NELL1: variants seen among roughly 807,000 people sequenced by gnomAD.
NELL1 encodes the protein neural EGFL like 1, also known as protein kinase C-binding protein NELL1.
A neutral mutation model predicts 107.4 loss-of-function variants in NELL1; 76 were observed. That is an observed-to-expected ratio of 0.71 (90% CI 0.59 to 0.86). The LOEUF is 0.86. NELL1 is among the 40% of genes least tolerant of loss of function. The pLI, the probability that NELL1 is intolerant of heterozygous loss-of-function variation, is 0.00. For synonymous variants in NELL1, 353 were observed against 341.2 expected, an observed-to-expected ratio of 1.03 and a Z score of -0.38; for missense variants, 1,024 against 1,005.5, an observed-to-expected ratio of 1.02 and a Z score of -0.25.
At chr11:21,346,273 T>G (rs1409090774) in intron 14 of NELL1, among the ~76,000 whole-genome samples, 1 of 152,094 alleles carries the variant, frequency 6.6e-6, no homozygotes, top group African/African-American at 2.4e-5. Context: ...CACTGCTGGG[T>G]CCAGAATTAT....
intron 16 of NELL1, among the ~76,000 whole-genome samples, chr11:21,535,579 T>C (rs1238691682): frequency 1.3e-5 from 2 of 152,212 alleles, no homozygotes; most frequent in Admixed American, 6.5e-5. Context: ...TTGAGAGGCA[T>C]GCAGTATAGT....
chr11:21,271,006 G>A (rs201948184), intron 14 of NELL1, among the ~76,000 whole-genome samples: 1 of 152,134 alleles, frequency 6.6e-6, no homozygotes, highest in East Asian at 1.9e-4. Context: ...AAAATTTGCA[G>A]GGAAGGCTGT....
chr11:21,093,522 A>G (rs36054666), intron 12 of NELL1, among the ~76,000 whole-genome samples: 39,099 of 152,018 alleles, frequency 0.26, 5,646 homozygotes, highest in African/African-American at 0.38. Context: ...AGCCTCCTGT[A>G]GCCATACAGC....
chr11:21,034,784 A>G (rs1037334653), intron 12 of NELL1, among the ~76,000 whole-genome samples: 18 of 152,148 alleles, frequency 1.2e-4, no homozygotes, highest in African/African-American at 4.1e-4. Context: ...TGCCCACATC[A>G]AAAAGCTAGA....
At position 21,292,525 on chromosome 11, in the gene NELL1, T is replaced by C. The variant is rs769258575; in HGVS notation, c.1549+63071T>C. Among the ~76,000 whole-genome samples the C allele has an allele frequency of 2.6e-5, 4 of 152,244 alleles. No homozygotes were observed. In the South Asian group the frequency reaches 6.2e-4, roughly 24 times the overall value. Reference sequence around the variant, plus strand: ...TGCCTAAAGTAATTTATAGATTCAATGCTCTCCCCATAAAGCTACCATTGA... The same window carrying C: ...TGCCTAAAGTAATTTATAGATTCAACGCTCTCCCCATAAAGCTACCATTGA... On this transcript the variant is annotated intron_variant, in intron 14 of 19. Transcript: ENST00000357134.
intron 18 of NELL1, among the ~76,000 whole-genome samples, chr11:21,571,766 G>A (rs59225083): frequency 0.11 from 16,335 of 151,836 alleles, 2,886 homozygotes; most frequent in African/African-American, 0.37. Flanking sequence ...ATTTCTAGCA[G>A]TGGGAAGACT....
intron 14 of NELL1, among the ~76,000 whole-genome samples, chr11:21,341,385 G>A (rs1590853201): frequency 6.6e-6 from 1 of 152,148 alleles, no homozygotes; most frequent in Non-Finnish European, 1.5e-5. Context: ...TTCATATTTG[G>A]CGTATTCTGT....
intron 13 of NELL1, among the ~76,000 whole-genome samples, chr11:21,150,010 C>A (rs556784788): frequency 1.3e-5 from 2 of 152,034 alleles, no homozygotes; most frequent in African/African-American, 4.8e-5. Context: ...GAGTTGATAT[C>A]TGGAGAACTG....
intron 1 of NELL1, chr11:20,670,367 T>G (rs904228035): frequency 6.6e-6 from 1 of 152,420 alleles, no homozygotes; most frequent in Non-Finnish European, 1.5e-5. Flanking sequence ...CTGTCTTTGC[T>G]CCCAAGGGCT....
chr11:21,366,399 C>T (rs933599504), intron 14 of NELL1, among the ~76,000 whole-genome samples: 2 of 152,154 alleles, frequency 1.3e-5, no homozygotes, highest in Non-Finnish European at 2.9e-5. Context: ...TTTAGGCAGA[C>T]ATGGTCAAAT....
intron 2 of NELL1, among the ~76,000 whole-genome samples, chr11:20,776,658 G>A (rs1227049581): frequency 6.6e-6 from 1 of 152,076 alleles, no homozygotes; most frequent in African/African-American, 2.4e-5. Flanking sequence ...AGGAGGGAGA[G>A]AAGACAGGTT....
chr11:21,279,694 G>A (rs1341020953), intron 14 of NELL1, among the ~76,000 whole-genome samples: 3 of 152,144 alleles, frequency 2.0e-5, no homozygotes, highest in African/African-American at 4.8e-5. Context: ...CTTACCATGC[G>A]ATACAGCAAT....
At chr11:20,908,120 C>A (rs1850045200) in intron 5 of NELL1, among the ~76,000 whole-genome samples, 1 of 152,104 alleles carries the variant, frequency 6.6e-6, no homozygotes, top group African/African-American at 2.4e-5. Context: ...TAAATTAGTT[C>A]AACCATTGTG....
intron 12 of NELL1, among the ~76,000 whole-genome samples, chr11:21,061,330 G>A (rs1237113586): frequency 6.6e-6 from 1 of 152,198 alleles, no homozygotes; most frequent in African/African-American, 2.4e-5. Flanking sequence ...ATTGACTGGA[G>A]TGGAGTGACA....
intron 14 of NELL1, among the ~76,000 whole-genome samples, chr11:21,316,943 A>G (rs1040908862): frequency 2.0e-5 from 3 of 152,130 alleles, no homozygotes; most frequent in Non-Finnish European, 4.4e-5. Context: ...TTATCCTGAT[A>G]TGAGTTTTTA....
intron 13 of NELL1, among the ~76,000 whole-genome samples, chr11:21,203,731 G>GT (rs1397804889): frequency 6.6e-6 from 1 of 152,104 alleles, no homozygotes; most frequent in Non-Finnish European, 1.5e-5. Flanking sequence ...AATTTGATAT[G>GT]TTTTTGCAGT....
chr11:21,232,181 T>TATATATA (rs1375976378), intron 14 of NELL1, among the ~76,000 whole-genome samples: 12 of 131,994 alleles, frequency 9.1e-5, no homozygotes, highest in African/African-American at 1.1e-4. Flanking sequence ...TATATATAAA[T>TATATATA]TAGCTGGGCG....
intron 14 of NELL1, among the ~76,000 whole-genome samples, chr11:21,281,407 A>T (rs181596640): frequency 6.6e-6 from 1 of 152,178 alleles, no homozygotes; most frequent in East Asian, 1.9e-4. Flanking sequence ...TACCAGGTAG[A>T]CTTCTAAGGT....
chr11:21,200,606 T>A (rs1248438970), intron 13 of NELL1, among the ~76,000 whole-genome samples: 1 of 152,230 alleles, frequency 6.6e-6, no homozygotes, highest in Non-Finnish European at 1.5e-5. Context: ...TGATGATAGT[T>A]TCTTTTGCTG....
Sources: allele counts gnomAD v4.1 joint callset (sites outside exome capture counted in the v4.1 genomes callset), GRCh38; gene constraint gnomAD v4.1.1; transcripts MANE v1.5; gene names NCBI Gene and HGNC (gene_info 2026-07-23, HGNC 2026-07-21).